The following ROCK1 variants were observed in gnomAD, a reference collection of about 807,000 sequenced individuals.
The protein encoded by ROCK1 is Rho associated coiled-coil containing protein kinase 1.
ROCK1 carries 36 observed loss-of-function variants against 196.8 expected under a neutral mutation model. That is an observed-to-expected ratio of 0.18 (90% CI 0.14 to 0.24). The LOEUF is 0.24. ROCK1 is among the 10% of genes least tolerant of loss of function. ROCK1 has a pLI of 1.00. For synonymous variants in ROCK1, 443 were observed against 515.9 expected, an observed-to-expected ratio of 0.86 and a Z score of 1.91; for missense variants, 920 against 1,562.0, an observed-to-expected ratio of 0.59 and a Z score of 6.93.
chr18:20,992,803 A>T, intron 17 of ROCK1, 28 bp downstream of exon 17: 1 of 1,260,332 alleles, frequency 7.9e-7, no homozygotes. Context: ...ACTATTTTAT[A>T]ATAATTGGTA....
chr18:21,055,857 C>A (rs1199953980), intron 2 of ROCK1, among the ~76,000 whole-genome samples: 1 of 152,192 alleles, frequency 6.6e-6, no homozygotes, highest in African/African-American at 2.4e-5. Context: ...CACTTCAGGT[C>A]GGCTCTTACC....
chr18:21,001,208 C>T (rs912469305), intron 16 of ROCK1, among the ~76,000 whole-genome samples: 3 of 152,056 alleles, frequency 2.0e-5, no homozygotes, highest in Non-Finnish European at 4.4e-5. Flanking sequence ...GCCATTTATA[C>T]GAAATATCCA....
At chr18:21,109,803 G>A (rs1361622980) in intron 1 of ROCK1, among the ~76,000 whole-genome samples, 4 of 152,116 alleles carry the variant, frequency 2.6e-5, no homozygotes, top group Non-Finnish European at 5.9e-5. Context: ...TTTTTGAATT[G>A]TATTATTTCT....
intron 4 of ROCK1, among the ~76,000 whole-genome samples, chr18:21,046,414 A>C (rs1181201050): frequency 6.6e-6 from 1 of 152,236 alleles, no homozygotes; most frequent in Non-Finnish European, 1.5e-5. Flanking sequence ...TCCATAAAGT[A>C]ACAGTGCACC....
chr18:21,003,409 T>C (rs2035743154), intron 16 of ROCK1, among the ~76,000 whole-genome samples: 1 of 152,142 alleles, frequency 6.6e-6, no homozygotes, highest in Non-Finnish European at 1.5e-5. Context: ...ATTATGAGAC[T>C]ACTAGAGGAA....
intron 13 of ROCK1, among the ~76,000 whole-genome samples, chr18:21,010,664 C>T (rs951044172): frequency 2.0e-5 from 3 of 152,156 alleles, no homozygotes; most frequent in African/African-American, 4.8e-5. Context: ...TCCTTAAGCA[C>T]TTGAAAAGAA....
chr18:21,076,784 C>T (rs564787542), intron 1 of ROCK1, among the ~76,000 whole-genome samples: 1 of 152,076 alleles, frequency 6.6e-6, no homozygotes, highest in Admixed American at 6.5e-5. Context: ...CCTTCACCGA[C>T]AGAAACATCA....
chr18:21,026,670 CTTTT>C (rs1222067837), intron 10 of ROCK1, among the ~76,000 whole-genome samples: 1 of 151,942 alleles, frequency 6.6e-6, no homozygotes, highest in Non-Finnish European at 1.5e-5. Context: ...ACTAAATTGT[CTTTT>C]TGTTTTCTAA....
rs570560275 is a variant in ROCK1 at position 21,047,248 on chromosome 18, G to A, written c.415-1781C>T. On this transcript the variant is annotated intron_variant, in intron 4 of 32. Transcript: ENST00000399799. ...AGACACTGAACGTTCATGTATCAGT[G>A]GTTGTTAACTAGTGGTGAAAACATT... is the stretch of plus-strand genomic sequence containing the variant. 5.3e-5 allele frequency among the ~76,000 whole-genome samples: 8 copies of A among 152,240 alleles called. No homozygotes were observed. In the Middle Eastern group the frequency reaches 0.014, roughly 259 times the overall value.
chr18:21,012,429 G>GT (rs1322018673), intron 13 of ROCK1, among the ~76,000 whole-genome samples: 3 of 152,006 alleles, frequency 2.0e-5, no homozygotes, highest in Non-Finnish European at 2.9e-5. Context: ...TGATAGGTTT[G>GT]TTTTTTTGTT....
chr18:21,024,436 T>A (rs1243428343), intron 10 of ROCK1, among the ~76,000 whole-genome samples: 2 of 152,216 alleles, frequency 1.3e-5, no homozygotes, highest in African/African-American at 4.8e-5. Flanking sequence ...GGTAAGGTAC[T>A]AGTACTGCCA....
intron 22 of ROCK1, among the ~76,000 whole-genome samples, chr18:20,976,667 C>G (rs568200757): frequency 6.6e-5 from 10 of 152,174 alleles, no homozygotes; most frequent in Non-Finnish European, 1.5e-4. Flanking sequence ...ATCACCTTAA[C>G]AGATCTCTAT....
chr18:21,080,039 A>G (rs542898839), intron 1 of ROCK1, among the ~76,000 whole-genome samples: 2 of 152,206 alleles, frequency 1.3e-5, no homozygotes, highest in Admixed American at 1.3e-4. Flanking sequence ...AAGTGAGAAC[A>G]AAAGCGTTCT....
Position 20,968,818 on chromosome 18 carries a change from G to T in ROCK1, c.2957C>A (p.Ala986Asp). 6.2e-7 allele frequency: 1 copy of T among 1,609,458 alleles called. No individual in the cohort carries two copies. The highest frequency in any genetic ancestry group is 8.5e-7 in the Non-Finnish European group (1 of 1,175,824). The change falls in exon 25 of 33, where the codon GCT becomes GAT. Residue 986 changes from alanine to aspartate, a missense_variant. By Grantham distance (126) the Ala-to-Asp change is moderately radical. Transcript: ENST00000399799. ...EKEEEISNLK[A>D]AFEKNINTER... ...AGTGTTGATATTCTTTTCAAAGGCA[G>T]CCTTAAGATTACTGATCTCCTCCTC... is the stretch of plus-strand genomic sequence containing the variant.
At chr18:21,102,303 C>T (rs2036665779) in intron 1 of ROCK1, among the ~76,000 whole-genome samples, 1 of 152,174 alleles carries the variant, frequency 6.6e-6, no homozygotes, top group Admixed American at 6.5e-5. Context: ...AATTGCTTTA[C>T]TACAAGTAAA....
chr18:21,063,211 C>T (rs1390687909), intron 2 of ROCK1, among the ~76,000 whole-genome samples: 1 of 152,246 alleles, frequency 6.6e-6, no homozygotes, highest in Non-Finnish European at 1.5e-5. Context: ...AACGTCCCCA[C>T]CTACTAGCAC....
At chr18:21,109,714 T>C (rs1034852123) in intron 1 of ROCK1, among the ~76,000 whole-genome samples, 1 of 152,144 alleles carries the variant, frequency 6.6e-6, no homozygotes, top group African/African-American at 2.4e-5. Context: ...AAAATACAAA[T>C]AAACAGAAAT....
Position 21,002,303 on chromosome 18 carries a change from T to C in ROCK1, c.1885+4048A>G, listed in dbSNP as rs535792084. Among the ~76,000 whole-genome samples the C allele has an allele frequency of 5.3e-5, 8 of 152,294 alleles. No homozygotes were observed. In the South Asian group the frequency reaches 1.7e-3, roughly 32 times the overall value. On this transcript the variant is annotated intron_variant, in intron 16 of 32. Coordinates refer to ENST00000399799, the MANE Select transcript of ROCK1 (RefSeq NM_005406.3). Reference sequence around the variant, plus strand: ...ATCTATGCATATCAAAAAGCAAGGATGTGATCTAAAACTACTAGGGTAGTG... The same window carrying C: ...ATCTATGCATATCAAAAAGCAAGGACGTGATCTAAAACTACTAGGGTAGTG...
In ROCK1 at chr18:21,058,597, G is replaced by C. The variant is rs114827092; in HGVS notation, c.176-8717C>G. ...GTTATATTCAATTCCATAAAAATCT[G>C]ATTTTTCTTTTCTTTTTCCTTGAGA... is the stretch of plus-strand genomic sequence containing the variant. On this transcript the variant is annotated intron_variant, in intron 2 of 32. Coordinates refer to ENST00000399799, the MANE Select transcript of ROCK1 (RefSeq NM_005406.3). 9.6e-3 allele frequency among the ~76,000 whole-genome samples: 1,454 copies of C among 152,098 alleles called. 17 individuals are homozygous for C. Among genetic ancestry groups the C allele is most frequent in the African/African-American group, 0.032 (1,323 of 41,496 alleles).
Sources: gnomAD v4.1 joint callset for allele counts (sites outside exome capture counted in the v4.1 genomes callset) on GRCh38, gnomAD v4.1.1 for gene constraint, MANE v1.5 for transcripts, NCBI Gene and HGNC (gene_info 2026-07-23, HGNC 2026-07-21) for gene names.